The following CNTN5 variants were observed in gnomAD, a reference collection of about 807,000 sequenced individuals.
CNTN5 encodes the protein contactin 5.
A neutral mutation model predicts 129.1 loss-of-function variants in CNTN5; 77 were observed. The ratio of observed to expected loss-of-function variants is 0.60; its 90% CI spans 0.50 to 0.72. The LOEUF is 0.72. CNTN5 is among the 30% of genes least tolerant of loss of function. CNTN5 has a pLI of 0.00. For missense variants in CNTN5, 1,478 were observed against 1,328.8 expected, an observed-to-expected ratio of 1.11 and a Z score of -1.75; for synonymous variants, 509 against 465.6, an observed-to-expected ratio of 1.09 and a Z score of -1.20.
chr11:100,033,959 T>G (rs566883022), intron 9 of CNTN5, among the ~76,000 whole-genome samples: 4 of 152,298 alleles, frequency 2.6e-5, no homozygotes, highest in Non-Finnish European at 5.9e-5. Context: ...CTCAACTCAT[T>G]TTTAGAAGAA....
chr11:99,187,179 G>A (rs1858397292), intron 1 of CNTN5, among the ~76,000 whole-genome samples: 1 of 151,798 alleles, frequency 6.6e-6, no homozygotes, highest in Non-Finnish European at 1.5e-5. Flanking sequence ...GCACTGGTCA[G>A]TAAGAAACAA....
intron 9 of CNTN5, among the ~76,000 whole-genome samples, chr11:100,049,784 T>C (rs1000887686): frequency 1.3e-5 from 2 of 151,700 alleles, no homozygotes; most frequent in Non-Finnish European, 2.9e-5. Flanking sequence ...ACAAGAAAAA[T>C]ACAAACAACC....
chr11:99,660,588 A>C (rs143113169), intron 3 of CNTN5, among the ~76,000 whole-genome samples: 1 of 152,172 alleles, frequency 6.6e-6, no homozygotes, highest in African/African-American at 2.4e-5. Context: ...ACAGGGGATC[A>C]TGGAAAGAAA....
intron 3 of CNTN5, among the ~76,000 whole-genome samples, chr11:99,577,873 A>T (rs1219471736): frequency 6.6e-6 from 1 of 151,780 alleles, no homozygotes; most frequent in African/African-American, 2.4e-5. Context: ...ACATGTGCAC[A>T]ACGTGCAGGT....
chr11:99,942,764 G>A (rs1399677923), intron 7 of CNTN5, among the ~76,000 whole-genome samples: 5 of 152,028 alleles, frequency 3.3e-5, no homozygotes, highest in Non-Finnish European at 7.4e-5. Flanking sequence ...ACTTAGGAGT[G>A]AGAACATGTG....
intron 16 of CNTN5, among the ~76,000 whole-genome samples, chr11:100,245,312 C>T (rs1949819210): frequency 6.6e-6 from 1 of 152,160 alleles, no homozygotes; most frequent in Admixed American, 6.6e-5. Flanking sequence ...TTCTCCCAAA[C>T]TTCATACAAA....
intron 3 of CNTN5, among the ~76,000 whole-genome samples, chr11:99,779,323 A>G (rs1945233547): frequency 6.6e-6 from 1 of 152,034 alleles, no homozygotes; most frequent in African/African-American, 2.4e-5. Flanking sequence ...GAATTCAGAT[A>G]TGGAAATAGA....
intron 13 of CNTN5, among the ~76,000 whole-genome samples, chr11:100,118,830 G>A (rs1945922516): frequency 6.6e-6 from 1 of 151,470 alleles, no homozygotes; most frequent in South Asian, 2.1e-4. Context: ...TTCTCCTTTA[G>A]AATTGTAAAA....
chr11:99,784,305 C>A (rs964923748), intron 3 of CNTN5, among the ~76,000 whole-genome samples: 2 of 152,000 alleles, frequency 1.3e-5, no homozygotes, highest in Non-Finnish European at 2.9e-5. Flanking sequence ...CCTTAGCCCC[C>A]CACCCCCACA....
intron 1 of CNTN5, among the ~76,000 whole-genome samples, chr11:99,035,598 C>A (rs1043866302): frequency 6.9e-6 from 1 of 145,004 alleles, no homozygotes; most frequent in Non-Finnish European, 1.5e-5. Context: ...GCAACCCCTG[C>A]CTTTTTTTGT....
chr11:100,279,595 G>T (rs1950588189), intron 18 of CNTN5, among the ~76,000 whole-genome samples: 1 of 151,674 alleles, frequency 6.6e-6, no homozygotes, highest in Admixed American at 6.6e-5. Context: ...CAATTTATTG[G>T]CACATAGTTG....
chr11:100,222,094 A>G (rs1591407522), intron 15 of CNTN5, among the ~76,000 whole-genome samples: 4 of 152,330 alleles, frequency 2.6e-5, no homozygotes, highest in African/African-American at 9.6e-5. Context: ...TTCACAATCT[A>G]TTCTTTTTAA....
intron 1 of CNTN5, among the ~76,000 whole-genome samples, chr11:99,166,395 G>A (rs1236515190): frequency 1.9e-5 from 2 of 103,788 alleles, no homozygotes; most frequent in Non-Finnish European, 3.8e-5. Context: ...GCAAGACTCT[G>A]TCAAAAAAAA....
At chr11:99,909,328 T>C (rs538097348) in intron 6 of CNTN5, among the ~76,000 whole-genome samples, 23 of 152,178 alleles carry the variant, frequency 1.5e-4, no homozygotes, top group African/African-American at 4.3e-4. Flanking sequence ...CTGGAGAGGA[T>C]GTGGAGAAAT....
intron 13 of CNTN5, among the ~76,000 whole-genome samples, chr11:100,188,565 C>T (rs1210217922): frequency 6.6e-6 from 1 of 152,126 alleles, no homozygotes; most frequent in Non-Finnish European, 1.5e-5. Context: ...GTCAAAATGG[C>T]TATCATTAAC....
At chr11:99,107,424 A>G (rs1867048554) in intron 1 of CNTN5, among the ~76,000 whole-genome samples, 1 of 152,124 alleles carries the variant, frequency 6.6e-6, no homozygotes, top group Non-Finnish European at 1.5e-5. Context: ...TGTTCTTGGT[A>G]CTGCCTTTTA....
intron 3 of CNTN5, among the ~76,000 whole-genome samples, chr11:99,630,261 T>C (rs1951292792): frequency 6.6e-6 from 1 of 151,420 alleles, no homozygotes; most frequent in Admixed American, 6.6e-5. Context: ...TATATATATA[T>C]ATATATATGT....
intron 13 of CNTN5, among the ~76,000 whole-genome samples, chr11:100,149,311 C>T (rs1946965749): frequency 6.6e-6 from 1 of 152,070 alleles, no homozygotes; most frequent in South Asian, 2.1e-4. Flanking sequence ...CTAAATGATA[C>T]TGGTTTTAAA....
chr11:99,475,303 C>G (rs556183822), intron 2 of CNTN5, among the ~76,000 whole-genome samples: 181 of 152,306 alleles, frequency 1.2e-3, no homozygotes, highest in African/African-American at 4.2e-3. Flanking sequence ...GCACAAAGGC[C>G]CACATCAGAT....
Sources: gnomAD v4.1 joint callset for allele counts (sites outside exome capture counted in the v4.1 genomes callset) on GRCh38, gnomAD v4.1.1 for gene constraint, MANE v1.5 for transcripts, NCBI Gene and HGNC (gene_info 2026-07-23, HGNC 2026-07-21) for gene names.